Variants in KCND2 observed in about 807,000 individuals in gnomAD.
KCND2 encodes the protein A-type voltage-gated potassium channel KCND2.
KCND2 carries 16 observed loss-of-function variants against 54.4 expected under a neutral mutation model. That is an observed-to-expected ratio of 0.29 (90% confidence interval 0.20 to 0.45). The LOEUF is 0.45. Ranked by LOEUF, KCND2 falls within the 20% of genes least tolerant of loss-of-function variation. The pLI is 1.00. For missense variants in KCND2, 486 were observed against 824.2 expected, an observed-to-expected ratio of 0.59 and a Z score of 5.02; for synonymous variants, 317 against 310.7, an observed-to-expected ratio of 1.02 and a Z score of -0.21.
intron 1 of KCND2, chr7:120,464,039 GT>G (rs1270034153): frequency 1.0e-6 from 1 of 971,174 alleles, no homozygotes; most frequent in Non-Finnish European, 1.2e-6. Flanking sequence ...TTTTCTTGCA[GT>G]TGAGCCTTTT....
chr7:120,628,124 T>C (rs1290161698), intron 1 of KCND2, among the ~76,000 whole-genome samples: 1 of 152,198 alleles, frequency 6.6e-6, no homozygotes, highest in African/African-American at 2.4e-5. Context: ...TAAGAAACAC[T>C]GATAGCAATG....
At chr7:120,589,073 T>G (rs1425429145) in intron 1 of KCND2, among the ~76,000 whole-genome samples, 1 of 152,184 alleles carries the variant, frequency 6.6e-6, no homozygotes, top group Non-Finnish European at 1.5e-5. Flanking sequence ...ACAAATATTA[T>G]GTAACCCTAA....
intron 1 of KCND2, among the ~76,000 whole-genome samples, chr7:120,569,819 G>A (rs1792340609): frequency 6.6e-6 from 1 of 152,142 alleles, no homozygotes; most frequent in Admixed American, 6.6e-5. Flanking sequence ...TAAGATAGAA[G>A]ATAGTTAAGG....
intron 1 of KCND2, among the ~76,000 whole-genome samples, chr7:120,340,344 AG>A (rs1800223164): frequency 6.6e-6 from 1 of 152,226 alleles, no homozygotes; most frequent in African/African-American, 2.4e-5. Context: ...ATATGAGAGA[AG>A]GGAAAGATCT....
At chr7:120,408,942 GAA>G (rs1203576733) in intron 1 of KCND2, among the ~76,000 whole-genome samples, 1 of 151,772 alleles carries the variant, frequency 6.6e-6, no homozygotes, top group Non-Finnish European at 1.5e-5. Flanking sequence ...AAAGGTATTA[GAA>G]AAAAAGAGAC....
chr7:120,671,132 T>C (rs895984493), intron 1 of KCND2, among the ~76,000 whole-genome samples: 4 of 152,184 alleles, frequency 2.6e-5, no homozygotes, highest in Non-Finnish European at 4.4e-5. Context: ...TTTGAATTTG[T>C]TTACCAAGTG....
At chr7:120,678,178 G>C (rs1036371933) in intron 1 of KCND2, among the ~76,000 whole-genome samples, 3 of 151,586 alleles carry the variant, frequency 2.0e-5, no homozygotes, top group Non-Finnish European at 1.5e-5. Flanking sequence ...CTCTGAGATG[G>C]TTAGGGGGTT....
chr7:120,327,783 A>G (rs73431916), intron 1 of KCND2, among the ~76,000 whole-genome samples: 1,993 of 152,116 alleles, frequency 0.013, 46 homozygotes, highest in African/African-American at 0.043. Flanking sequence ...TTTAAATATA[A>G]CCTTCTTTTA....
chr7:120,595,979 TGAATGACTTCATTAATGTTGA>T (rs1792740994), intron 1 of KCND2, among the ~76,000 whole-genome samples: 1 of 152,006 alleles, frequency 6.6e-6, no homozygotes, highest in African/African-American at 2.4e-5. Context: ...AGTGGATGAA[TGAATGACTTCATTAATGTTGA>T]CCTTTTATTT....
intron 1 of KCND2, among the ~76,000 whole-genome samples, chr7:120,549,420 G>A (rs965346535): frequency 2.0e-5 from 3 of 152,086 alleles, no homozygotes; most frequent in Non-Finnish European, 2.9e-5. Context: ...AAGGTGAAGA[G>A]AGTCATTTTC....
At chr7:120,690,315 CA>C (rs1792253366) in intron 1 of KCND2, among the ~76,000 whole-genome samples, 1 of 152,120 alleles carries the variant, frequency 6.6e-6, no homozygotes, top group African/African-American at 2.4e-5. Flanking sequence ...CATACATACA[CA>C]AAAATATAGT....
chr7:120,597,100 G>A (rs1429626611), intron 1 of KCND2, among the ~76,000 whole-genome samples: 1 of 152,094 alleles, frequency 6.6e-6, no homozygotes, highest in Non-Finnish European at 1.5e-5. Context: ...CTGGAATAAG[G>A]GAGATCAGTT....
At chr7:120,294,178 C>T (rs1799476138) in intron 1 of KCND2, among the ~76,000 whole-genome samples, 1 of 151,884 alleles carries the variant, frequency 6.6e-6, no homozygotes, top group Non-Finnish European at 1.5e-5. Context: ...GGAAATAATC[C>T]TCTAAGATGT....
intron 1 of KCND2, among the ~76,000 whole-genome samples, chr7:120,689,157 G>A (rs554401060): frequency 6.6e-6 from 1 of 151,986 alleles, no homozygotes; most frequent in Non-Finnish European, 1.5e-5. Flanking sequence ...CACAGTAGTG[G>A]GCCGAATTTG....
rs566641043 is a variant in KCND2, at chr7:120,749,631, T to A, written c.*1773T>A. On this transcript the variant is annotated 3_prime_UTR_variant, in exon 6 of 6. Coordinates refer to ENST00000331113, the MANE Select transcript of KCND2 (RefSeq NM_012281.3). ...AAATTCTTGCTTCCCATTTCTAGAA[T>A]AGTTTCTAGAACAGTGCTATGCACA... The A allele has an allele frequency of 6.6e-6, 1 of 152,478 alleles. No homozygotes were observed. Among genetic ancestry groups the A allele is most frequent in the South Asian group, 2.1e-4 (1 of 4,830 alleles). 9.4% of individuals were successfully genotyped at this position (152,478 alleles called of 1,614,324 possible). A position where few individuals can be genotyped will look rare whatever the true frequency, so the allele number is the denominator to read the frequency against.
At chr7:120,309,478 C>T (rs201765491) in intron 1 of KCND2, among the ~76,000 whole-genome samples, 36,723 of 75,042 alleles carry the variant, frequency 0.49, 10,103 homozygotes, top group Non-Finnish European at 0.66. Context: ...TATATATACA[C>T]ACACACACAC....
intron 1 of KCND2, among the ~76,000 whole-genome samples, chr7:120,535,954 A>G (rs966138215): frequency 1.9e-4 from 29 of 152,092 alleles, no homozygotes; most frequent in African/African-American, 6.3e-4. Flanking sequence ...GCAAGCCACT[A>G]ATTTTGGTCT....
intron 1 of KCND2, among the ~76,000 whole-genome samples, chr7:120,707,768 G>T (rs925306771): frequency 6.6e-6 from 1 of 152,052 alleles, no homozygotes; most frequent in African/African-American, 2.4e-5. Context: ...GTTTCTGAGA[G>T]TTCAGCTTGA....
chr7:120,317,732 A>G (rs1799833855), intron 1 of KCND2, among the ~76,000 whole-genome samples: 1 of 152,170 alleles, frequency 6.6e-6, no homozygotes, highest in Non-Finnish European at 1.5e-5. Context: ...CAGAAATTAA[A>G]TTGTCTTTAG....
Sources: allele counts gnomAD v4.1 joint callset (sites outside exome capture counted in the v4.1 genomes callset), GRCh38; gene constraint gnomAD v4.1.1; transcripts MANE v1.5; gene names NCBI Gene and HGNC (gene_info 2026-07-23, HGNC 2026-07-21).